The following TOPAZ1 variants were observed in gnomAD, a reference collection of about 807,000 sequenced individuals.
TOPAZ1 encodes the protein testis and ovary specific TOPAZ 1, also known as protein TOPAZ1.
Under a neutral mutation model 172.2 loss-of-function variants are expected in TOPAZ1, and 66 were observed. The observed-to-expected ratio is 0.38, with a 90% CI of 0.31 to 0.47. The LOEUF (loss-of-function observed/expected upper bound fraction) is 0.47. Among genes scored for constraint, TOPAZ1 ranks in the 20% least tolerant of loss-of-function variants. The probability of loss-of-function intolerance (pLI) is 0.99; values close to 1 mark genes in which losing one functional copy is unlikely to be tolerated. For synonymous variants in TOPAZ1, 681 were observed against 683.9 expected (o/e 1.00, Z 0.07); for missense variants, 1,822 against 1,972.4 (o/e 0.92, Z 1.44).
chr3:44,278,035 C>CTA (rs1428318459), intron 8 of TOPAZ1, among the ~76,000 whole-genome samples: 6 of 152,118 alleles, frequency 3.9e-5, no homozygotes. Flanking sequence ...ATGGCCTTTA[C>CTA]TATATTGAGG....
chr3:44,284,137 C>T (rs1054765190), intron 9 of TOPAZ1, among the ~76,000 whole-genome samples: 1 of 151,942 alleles, frequency 6.6e-6, no homozygotes, highest in Non-Finnish European at 1.5e-5. Flanking sequence ...TAAAATTTAC[C>T]ATTTTAAACA....
intron 16 of TOPAZ1, among the ~76,000 whole-genome samples, chr3:44,318,399 C>G (rs1700474025): frequency 6.6e-6 from 1 of 151,518 alleles, no homozygotes; most frequent in South Asian, 2.1e-4. Context: ...TTGCAGTGAA[C>G]CAGGACTGTG....
intron 16 of TOPAZ1, among the ~76,000 whole-genome samples, chr3:44,320,345 C>A (rs931094073): frequency 1.3e-5 from 2 of 152,156 alleles, no homozygotes; most frequent in Admixed American, 1.3e-4. Flanking sequence ...TGCCTGTAAT[C>A]CCAGCACTTT....
At chr3:44,302,894 G>GT (rs1700292104) in intron 12 of TOPAZ1, among the ~76,000 whole-genome samples, 1 of 152,140 alleles carries the variant, frequency 6.6e-6, no homozygotes, top group Non-Finnish European at 1.5e-5. Context: ...CCGGGCTGGG[G>GT]TGCAGTAGTG....
intron 11 of TOPAZ1, among the ~76,000 whole-genome samples, chr3:44,288,352 A>G (rs954387279): frequency 6.6e-6 from 1 of 152,054 alleles, no homozygotes; most frequent in African/African-American, 2.4e-5. Context: ...TCACATTACA[A>G]AACTTGACAA....
rs75303268 is a variant in TOPAZ1 at position 44,244,417 on chromosome 3, G to A, written c.1911G>A (p.Thr637=). Residue 637 remains threonine (T), a synonymous_variant, in exon 2 of 20, where the codon ACG becomes ACA. Transcript: ENST00000309765. ...AAAAAAAAGCTAGAGGAAATTTAAC[G>A]AAACTTAATTTGACAGCGACTTCCA... ...GNKKKARGNL[T]KLNLTATSKD... is the part of the protein sequence containing the mutation. The A allele has an allele frequency of 1.1e-3, 1,774 of 1,550,870 alleles. 9 individuals are homozygous for A. The African/African-American group carries it at 0.015, about 13-fold the overall frequency.
chr3:44,303,316 C>T (rs1700296848), intron 12 of TOPAZ1, among the ~76,000 whole-genome samples: 2 of 151,906 alleles, frequency 1.3e-5, no homozygotes, highest in Non-Finnish European at 2.9e-5. Context: ...CTTCTTATTC[C>T]AGCTGCCTTT....
chr3:44,309,907 C>T lies in TOPAZ1; in HGVS notation c.4223C>T (p.Ala1408Val). The change falls in exon 16 of 20, where the codon GCA becomes GTA. Residue 1408 changes from alanine (A) to valine (V), a missense_variant. Ala to Val is a moderately conservative substitution (Grantham distance 64, BLOSUM62 0). Around this residue, in one of 2 missense-constraint regions of TOPAZ1, gnomAD observed 333 missense variants for 481.7 expected, o/e 0.69. Coordinates refer to ENST00000309765, the MANE Select transcript of TOPAZ1 (RefSeq NM_001145030.2). ...GGACTTATAGGGCCTGAGAAGTTAGCATCAAGATGTCAAATTGTGAATGTT... is the reference window on the plus strand; with the variant it reads ...GGACTTATAGGGCCTGAGAAGTTAGTATCAAGATGTCAAATTGTGAATGTT... ...LKGLIGPEKL[A>V]SRCQIVNVAA... 21 of 1,551,226 alleles carry T rather than the reference C, an allele frequency of 1.4e-5. No individual in the cohort carries two copies. The highest frequency in any genetic ancestry group is 1.8e-5 in the Non-Finnish European group (21 of 1,146,582).
intron 4 of TOPAZ1, among the ~76,000 whole-genome samples, chr3:44,257,025 AGTG>A (rs1280708417): frequency 6.6e-6 from 1 of 152,020 alleles, no homozygotes; most frequent in Non-Finnish European, 1.5e-5. Context: ...ATACATGTAT[AGTG>A]GGAAATAAAA....
intron 9 of TOPAZ1, 43 bp downstream of exon 9, chr3:44,282,074 T>C: frequency 7.8e-7 from 1 of 1,276,560 alleles, no homozygotes; most frequent in Non-Finnish European, 1.1e-6. Context: ...ATTAATGTGT[T>C]GTTTGAAAAT....
Position 44,328,448 on chromosome 3 carries a change from C to A in TOPAZ1, c.4859+15C>A. 1 of 1,476,216 alleles carries A rather than the reference C, an allele frequency of 6.8e-7. No homozygotes were observed. The highest frequency in any genetic ancestry group is 9.0e-7 in the Non-Finnish European group (1 of 1,113,666). 91.4% of individuals were successfully genotyped at this position (1,476,216 alleles called of 1,614,324 possible). A position where few individuals can be genotyped will look rare whatever the true frequency, so the allele number is the denominator to read the frequency against. On this transcript the variant is annotated intron_variant, in intron 19 of 19. Coordinates refer to ENST00000309765, the MANE Select transcript of TOPAZ1 (RefSeq NM_001145030.2). ...GTTTTGAAAAGGTTGGTTGACATAA[C>A]TTTAACTGCATTCTGAATGTAGATC...
downstream of TOPAZ1, among the ~76,000 whole-genome samples, chr3:44,333,776 C>T (rs1291472562): frequency 1.3e-5 from 2 of 151,940 alleles, no homozygotes; most frequent in African/African-American, 4.8e-5. Context: ...AGTGTTGGCT[C>T]TCGGGTAGTA....
chr3:44,279,198 A>G (rs752382124), intron 8 of TOPAZ1, among the ~76,000 whole-genome samples: 6 of 152,136 alleles, frequency 3.9e-5, no homozygotes, highest in Non-Finnish European at 7.4e-5. Context: ...GATACTTGAT[A>G]TGATTTTGAT....
At chr3:44,287,000 G>T (rs1467650211) in intron 9 of TOPAZ1, among the ~76,000 whole-genome samples, 1 of 152,058 alleles carries the variant, frequency 6.6e-6, no homozygotes, top group African/African-American at 2.4e-5. Context: ...AACAAGCATG[G>T]GTATGTGTCA....
At chr3:44,307,465 G>A (rs1411133212) in intron 15 of TOPAZ1, among the ~76,000 whole-genome samples, 1 of 152,104 alleles carries the variant, frequency 6.6e-6, no homozygotes, top group African/African-American at 2.4e-5. Context: ...AGATGGTTTA[G>A]TGACTCAAGA....
intron 19 of TOPAZ1, among the ~76,000 whole-genome samples, chr3:44,329,116 C>T (rs1700635706): frequency 6.6e-6 from 1 of 152,152 alleles, no homozygotes; most frequent in African/African-American, 2.4e-5. Flanking sequence ...CAAACCAGAT[C>T]CTCTGGTTGA....
intron 19 of TOPAZ1, among the ~76,000 whole-genome samples, chr3:44,330,673 C>G (rs1700657768): frequency 6.6e-6 from 1 of 152,222 alleles, no homozygotes; most frequent in Admixed American, 6.5e-5. Flanking sequence ...TGCAGATAGG[C>G]TCCTACTCAG....
chr3:44,333,890 A>G (rs1575223612), downstream of TOPAZ1, among the ~76,000 whole-genome samples: 3 of 152,196 alleles, frequency 2.0e-5, no homozygotes, highest in Admixed American at 1.3e-4. Context: ...GAGAGGACTG[A>G]GCTCGCCACA....
downstream of TOPAZ1, among the ~76,000 whole-genome samples, chr3:44,336,632 G>A (rs969555812): frequency 2.6e-5 from 4 of 152,130 alleles, no homozygotes; most frequent in African/African-American, 4.8e-5. Context: ...CCTCACCCTC[G>A]TTCTGCAGGA....
Sources: allele counts gnomAD v4.1 joint callset (sites outside exome capture counted in the v4.1 genomes callset), GRCh38; gene constraint gnomAD v4.1.1; regional missense constraint gnomAD v4.1.1; transcripts MANE v1.5; gene names NCBI Gene and HGNC (gene_info 2026-07-23, HGNC 2026-07-21).